The following MTA1 variants were observed in gnomAD, a reference collection of about 807,000 sequenced individuals.
MTA1 encodes metastasis associated 1, also known as metastasis-associated protein MTA1.
MTA1 carries 15 observed loss-of-function variants against 97.0 expected under a neutral mutation model. The observed-to-expected ratio is 0.15, with a 90% CI of 0.10 to 0.24. The LOEUF (loss-of-function observed/expected upper bound fraction) is 0.24. Among genes scored for constraint, MTA1 ranks in the 10% least tolerant of loss-of-function variants. The probability of loss-of-function intolerance (pLI) is 1.00; values close to 1 mark genes in which losing one functional copy is unlikely to be tolerated. For synonymous variants in MTA1, 435 were observed against 417.5 expected (o/e 1.04, Z -0.51); for missense variants, 709 against 1,015.1 (o/e 0.70, Z 4.10).
chr14:105,455,466 G>A (rs1356866805), intron 7 of MTA1, among the ~76,000 whole-genome samples: 2 of 152,232 alleles, frequency 1.3e-5, no homozygotes, highest in Non-Finnish European at 2.9e-5. Flanking sequence ...GGCTGCCCTC[G>A]AGACGCAGGG....
chr14:105,470,644 G>A lies in MTA1; in HGVS notation c.*429G>A, dbSNP rs1417967645. 2.4e-5 allele frequency: 4 copies of A among 163,486 alleles called. No homozygotes were observed. The highest frequency in any genetic ancestry group is 9.5e-5 in the African/African-American group (4 of 41,910). The allele number at this position is 163,486 out of a possible 1,614,324, so 10.1% of individuals were successfully genotyped here. A position where few individuals can be genotyped will look rare whatever the true frequency, so the allele number is the denominator to read the frequency against. ...GCGGCCGCGGCCGGCCGAGCTGCCT[G>A]GCGGGGTTGGCCCTTGTCTTTTCAA... On this transcript the variant is annotated 3_prime_UTR_variant, in exon 21 of 21. Coordinates refer to ENST00000331320, the MANE Select transcript of MTA1 (RefSeq NM_004689.4).
chr14:105,451,142 C>T (rs982781563), intron 6 of MTA1, among the ~76,000 whole-genome samples: 6 of 152,232 alleles, frequency 3.9e-5, no homozygotes, highest in Admixed American at 3.9e-4. Flanking sequence ...CGGCCCCCAC[C>T]CTGCCCATCC....
chr14:105,465,286 C>T (rs2083524571), intron 16 of MTA1, 103 bp downstream of exon 16: 1 of 1,042,398 alleles, frequency 9.6e-7, no homozygotes, highest in East Asian at 2.8e-5. Context: ...CTGGGAGCTC[C>T]TGGACAGCCC....
At chr14:105,435,680 T>C (rs2082305730) in intron 1 of MTA1, among the ~76,000 whole-genome samples, 1 of 152,240 alleles carries the variant, frequency 6.6e-6, no homozygotes, top group Admixed American at 6.5e-5. Context: ...ACTTCACCAA[T>C]GAAGCCATCT....
intron 2 of MTA1, among the ~76,000 whole-genome samples, chr14:105,443,147 G>A (rs1481072344): frequency 2.6e-5 from 4 of 152,178 alleles, no homozygotes; most frequent in African/African-American, 9.7e-5. Context: ...AGAACCCGGC[G>A]GCCAGGGTAG....
At chr14:105,445,799 T>C (rs1490695198) in intron 3 of MTA1, 3 of 507,568 alleles carry the variant, frequency 5.9e-6, no homozygotes, top group African/African-American at 5.8e-5. Context: ...TGGGCATCAT[T>C]GATCGAGGCT....
chr14:105,440,414 A>G (rs2082471228), intron 2 of MTA1, among the ~76,000 whole-genome samples: 3 of 152,242 alleles, frequency 2.0e-5, no homozygotes, highest in Admixed American at 2.0e-4. Flanking sequence ...GCCAGCTGGC[A>G]GGCAACCCGG....
chr14:105,458,882 G>A (rs1357395299), intron 8 of MTA1, among the ~76,000 whole-genome samples: 1 of 152,212 alleles, frequency 6.6e-6, no homozygotes, highest in Non-Finnish European at 1.5e-5. Flanking sequence ...TTCTGGGGTG[G>A]GTGCCGGGCC....
In MTA1 at chr14:105,422,391, T is replaced by C. The variant is rs1241682916; in HGVS notation, c.28+2328T>C. On this transcript the variant is annotated intron_variant, in intron 1 of 20. Coordinates refer to ENST00000331320, the MANE Select transcript of MTA1 (RefSeq NM_004689.4). This position sits in a 1 kb window ranked among gnomAD's most constrained non-coding sequence, Gnocchi z 4.3. Reference sequence around the variant, plus strand: ...AAAGAGGAAGGTGTGCAGTGTCTCCTGAGCAGCCTTTGTCCGTCTGTCGCC... The same window carrying C: ...AAAGAGGAAGGTGTGCAGTGTCTCCCGAGCAGCCTTTGTCCGTCTGTCGCC... 6.6e-6 allele frequency among the ~76,000 whole-genome samples: 1 copy of C among 152,122 alleles called. No homozygotes were observed. Among genetic ancestry groups the C allele is most frequent in the Non-Finnish European group, 1.5e-5 (1 of 68,012 alleles).
chr14:105,464,644 GTGT>G, intron 14 of MTA1, 27 bp from the exon 15 acceptor site: 2 of 1,605,588 alleles, frequency 1.2e-6, no homozygotes, highest in Non-Finnish European at 1.7e-6. Flanking sequence ...TCATGGCGCT[GTGT>G]TGGGGCGGTT....
chr14:105,450,441 G>T, intron 6 of MTA1, 117 bp downstream of exon 6: 1 of 1,182,996 alleles, frequency 8.5e-7, no homozygotes, highest in Non-Finnish European at 1.2e-6. Flanking sequence ...TCTAGGCCCA[G>T]GCTGTTCTGG....
rs782798744 is a variant in MTA1, at chr14:105,463,170, C to T, written c.943-14C>T. 2 of 1,610,894 alleles carry T rather than the reference C, an allele frequency of 1.2e-6. No individual in the cohort carries two copies. The highest frequency in any genetic ancestry group is 1.7e-6 in the Non-Finnish European group (2 of 1,179,640). On this transcript the variant is annotated splice_polypyrimidine_tract_variant and intron_variant, in intron 10 of 20. Coordinates refer to ENST00000331320, the MANE Select transcript of MTA1 (RefSeq NM_004689.4). The surrounding 1 kb of genome is among the most constrained non-coding windows in gnomAD (Gnocchi z 5.9). Reference sequence around the variant, plus strand: ...GCCCCTTCCTGCTTGTGTGACACGCCTCCTCCCACCCAGCTCCCGTGGAAG... The same window carrying T: ...GCCCCTTCCTGCTTGTGTGACACGCTTCCTCCCACCCAGCTCCCGTGGAAG...
In MTA1 at chr14:105,420,031, C is replaced by G. The variant is rs1307711279; in HGVS notation, c.-5C>G. 14 of 1,080,124 alleles carry G rather than the reference C, an allele frequency of 1.3e-5. No homozygotes were observed. Among genetic ancestry groups the G allele is most frequent in the Non-Finnish European group, 1.4e-5 (12 of 883,852 alleles). The allele number at this position is 1,080,124 out of a possible 1,614,324, so 66.9% of individuals were successfully genotyped here. On this transcript the variant is annotated 5_prime_UTR_variant, in exon 1 of 21. Coordinates refer to ENST00000331320, the MANE Select transcript of MTA1 (RefSeq NM_004689.4). This position sits in a 1 kb window ranked among gnomAD's most constrained non-coding sequence, Gnocchi z 5.3. The stretch of plus-strand genomic sequence containing the variant: ...CCGGGCCCCTCCGCCGCCGCCGGCC[C>G]GGACATGGCCGCCAACATGTACAGG...
In MTA1 at chr14:105,450,279, C is replaced by A; in HGVS notation, c.387C>A (p.Thr129=). 6.2e-6 allele frequency: 10 copies of A among 1,608,790 alleles called. No individual in the cohort carries two copies. Among genetic ancestry groups the A allele is most frequent in the South Asian group, 1.1e-5 (1 of 91,006 alleles). The change falls in exon 6 of 21, where the codon ACC becomes ACA. Residue 129 remains threonine (T), a synonymous_variant. Transcript: ENST00000331320. ...ATHIRGKCSV[T]LLNETESLKS... ...CTTCCAGGGGCAAGTGCAGCGTCAC[C>A]CTGCTCAACGAGACCGAGTCGCTCA...
chr14:105,445,744 C>T, intron 3 of MTA1: 1 of 650,494 alleles, frequency 1.5e-6, no homozygotes, highest in Non-Finnish European at 2.9e-6. Context: ...AGTGGTCTGT[C>T]TCTCACTGGC....
At chr14:105,431,207 C>T (rs782593312) in intron 1 of MTA1, among the ~76,000 whole-genome samples, 17 of 152,288 alleles carry the variant, frequency 1.1e-4, no homozygotes, top group Admixed American at 7.2e-4. Flanking sequence ...GGATTACAGG[C>T]GCCCACCACC....
intron 1 of MTA1, among the ~76,000 whole-genome samples, chr14:105,434,889 G>T (rs1290061215): frequency 6.6e-6 from 1 of 152,166 alleles, no homozygotes; most frequent in Non-Finnish European, 1.5e-5. Context: ...AGACTCTGGG[G>T]ATTTCTATAT....
intron 1 of MTA1, among the ~76,000 whole-genome samples, chr14:105,433,752 C>T (rs1299745300): frequency 6.6e-6 from 1 of 152,174 alleles, no homozygotes; most frequent in Non-Finnish European, 1.5e-5. Flanking sequence ...TAAATTTGAA[C>T]CCAGTGAAGC....
chr14:105,462,381 C>T (rs920436771), intron 10 of MTA1, among the ~76,000 whole-genome samples: 1 of 152,126 alleles, frequency 6.6e-6, no homozygotes, highest in Admixed American at 6.5e-5. Flanking sequence ...CCATCCTGGC[C>T]AACATGGTGA....
Sources: allele counts gnomAD v4.1 joint callset (sites outside exome capture counted in the v4.1 genomes callset), GRCh38; gene constraint gnomAD v4.1.1; non-coding constraint Gnocchi (gnomAD v3.1); transcripts MANE v1.5; gene names NCBI Gene and HGNC (gene_info 2026-07-23, HGNC 2026-07-21).